DLG2: variants seen among roughly 807,000 people sequenced by gnomAD.
The protein encoded by DLG2 is discs large MAGUK scaffold protein 2, also known as disks large homolog 2.
In DLG2, 45 loss-of-function variants were observed where a neutral mutation model predicts 132.5. That is an observed-to-expected ratio of 0.34 (90% CI 0.27 to 0.44). DLG2 has a LOEUF of 0.44. DLG2 is among the 20% of genes least tolerant of loss of function. The pLI, the probability that DLG2 is intolerant of heterozygous loss-of-function variation, is 1.00. For missense variants in DLG2, 1,045 were observed against 1,196.9 expected (o/e 0.87, Z 1.87); for synonymous variants, 424 against 419.6 (o/e 1.01, Z -0.13).
intron 8 of DLG2, among the ~76,000 whole-genome samples, chr11:84,223,695 T>C (rs1252566314): frequency 6.6e-6 from 1 of 152,058 alleles, no homozygotes; most frequent in East Asian, 1.9e-4. Context: ...TAGCTGGGAC[T>C]ACAGGCGCAT....
chr11:85,350,622 C>G (rs960710953), intron 3 of DLG2, among the ~76,000 whole-genome samples: 9 of 152,178 alleles, frequency 5.9e-5, no homozygotes, highest in Admixed American at 1.3e-4. Flanking sequence ...CAGCTTTCTA[C>G]GTATGGCTAG....
intron 18 of DLG2, among the ~76,000 whole-genome samples, chr11:83,658,117 A>G (rs570648239): frequency 9.8e-5 from 15 of 152,310 alleles, no homozygotes; most frequent in African/African-American, 3.6e-4. Context: ...AGCTACTTCT[A>G]TTACTATCTT....
intron 7 of DLG2, among the ~76,000 whole-genome samples, chr11:84,396,364 G>A (rs944931529): frequency 6.6e-6 from 1 of 152,094 alleles, no homozygotes; most frequent in African/African-American, 2.4e-5. Context: ...TATCTTCAGA[G>A]GAAGTTTTCA....
intron 7 of DLG2, among the ~76,000 whole-genome samples, chr11:84,378,482 A>G (rs12283368): frequency 0.062 from 9,456 of 152,194 alleles, 416 homozygotes; most frequent in Non-Finnish European, 0.1. Context: ...TGAGCAGACT[A>G]ATATAACCAG....
At chr11:83,940,343 G>C (rs951937991) in intron 14 of DLG2, among the ~76,000 whole-genome samples, 1 of 152,098 alleles carries the variant, frequency 6.6e-6, no homozygotes, top group African/African-American at 2.4e-5. Context: ...ACTTGGTTTT[G>C]TACTTTGATG....
chr11:85,431,650 G>A (rs1027728668), intron 3 of DLG2, among the ~76,000 whole-genome samples: 4 of 152,322 alleles, frequency 2.6e-5, no homozygotes, highest in East Asian at 1.9e-4. Flanking sequence ...GGGGCTCAGG[G>A]ACCAAACTCT....
chr11:83,786,742 T>G lies in DLG2; in HGVS notation c.1773A>C (p.Ala591=). Residue 591 remains alanine (A), a synonymous_variant, in exon 18 of 28, where the codon GCA becomes GCC. Coordinates refer to ENST00000376104, the MANE Select transcript of DLG2 (RefSeq NM_001142699.3). ...TCACTGTCTGTCCAGCCCCCTTTAG[T>G]GCAGCAGCTGCCTGCTCGTGGGATG... is the stretch of plus-strand genomic sequence containing the variant. ...RGASHEQAAA[A]LKGAGQTVTI... 1 of 1,614,212 alleles carries G rather than the reference T, an allele frequency of 6.2e-7. No individual in the cohort carries two copies.
At chr11:84,726,330 G>A (rs1461863219) in intron 6 of DLG2, among the ~76,000 whole-genome samples, 1 of 151,998 alleles carries the variant, frequency 6.6e-6, no homozygotes, top group African/African-American at 2.4e-5. Context: ...TGTTCTCATT[G>A]TTCAACTCCC....
intron 6 of DLG2, among the ~76,000 whole-genome samples, chr11:84,732,239 T>C (rs1301516634): frequency 6.6e-6 from 1 of 152,134 alleles, no homozygotes; most frequent in Non-Finnish European, 1.5e-5. Context: ...TACGAATATC[T>C]GTGCATAAGT....
intron 6 of DLG2, among the ~76,000 whole-genome samples, chr11:84,793,216 GT>G (rs1172109691): frequency 1.3e-5 from 2 of 152,068 alleles, no homozygotes; most frequent in Non-Finnish European, 2.9e-5. Context: ...GTGTTGTAAT[GT>G]TTCAAAATTC....
intron 6 of DLG2, among the ~76,000 whole-genome samples, chr11:85,079,561 C>A (rs1243283188): frequency 6.0e-5 from 9 of 149,416 alleles, no homozygotes; most frequent in Non-Finnish European, 3.0e-5. Context: ...AATGGCCAAA[C>A]TTTTATTCTG....
chr11:85,530,327 A>AT (rs551123228), intron 3 of DLG2, among the ~76,000 whole-genome samples: 13,589 of 133,222 alleles, frequency 0.1, 908 homozygotes, highest in Non-Finnish European at 0.13. Context: ...TATTTTATTT[A>AT]TTTTTTTTTT....
intron 7 of DLG2, among the ~76,000 whole-genome samples, chr11:84,273,738 C>T (rs1302377868): frequency 6.6e-6 from 1 of 152,158 alleles, no homozygotes; most frequent in Admixed American, 6.5e-5. Flanking sequence ...CACTTGTTTG[C>T]TGTGTCAGAA....
chr11:84,337,048 T>C (rs986169754), intron 7 of DLG2, among the ~76,000 whole-genome samples: 2 of 152,244 alleles, frequency 1.3e-5, no homozygotes, highest in Admixed American at 6.5e-5. Context: ...TGACATTCTT[T>C]ATCAGGATAA....
chr11:85,371,657 G>T (rs969741044), intron 3 of DLG2, among the ~76,000 whole-genome samples: 1 of 152,194 alleles, frequency 6.6e-6, no homozygotes, highest in African/African-American at 2.4e-5. Flanking sequence ...CTGTCCCTGT[G>T]CAGAGTTCTT....
intron 4 of DLG2, among the ~76,000 whole-genome samples, chr11:85,266,400 G>A (rs1023037392): frequency 6.6e-6 from 1 of 152,144 alleles, no homozygotes; most frequent in Admixed American, 6.5e-5. Flanking sequence ...ATAACTGGGA[G>A]TTGAACAATG....
intron 6 of DLG2, among the ~76,000 whole-genome samples, chr11:85,028,836 C>A (rs570945793): frequency 2.0e-5 from 3 of 152,194 alleles, no homozygotes; most frequent in African/African-American, 7.2e-5. Context: ...GAGGCCCCCA[C>A]CCCTCCAACT....
intron 3 of DLG2, among the ~76,000 whole-genome samples, chr11:85,306,502 G>A (rs1199421935): frequency 1.3e-5 from 2 of 152,252 alleles, no homozygotes; most frequent in Admixed American, 1.3e-4. Flanking sequence ...GCTGCCAGGT[G>A]AATGGGGCCG....
intron 6 of DLG2, among the ~76,000 whole-genome samples, chr11:84,942,953 C>T (rs77432810): frequency 0.11 from 16,849 of 152,084 alleles, 1,152 homozygotes; most frequent in African/African-American, 0.12. Flanking sequence ...GCTGACTTGA[C>T]CCCTTATCAT....
Sources: allele counts gnomAD v4.1 joint callset (sites outside exome capture counted in the v4.1 genomes callset), GRCh38; gene constraint gnomAD v4.1.1; transcripts MANE v1.5; gene names NCBI Gene and HGNC (gene_info 2026-07-23, HGNC 2026-07-21).